Variants in ING5 observed in about 807,000 individuals in gnomAD.
ING5 encodes inhibitor of growth protein 5.
In ING5, 17 loss-of-function variants were observed where a neutral mutation model predicts 37.4. The ratio of observed to expected loss-of-function variants is 0.45; its 90% CI spans 0.31 to 0.68. The LOEUF is 0.68. Among genes scored for constraint, ING5 ranks in the 30% least tolerant of loss-of-function variants. The pLI, the probability that ING5 is intolerant of heterozygous loss-of-function variation, is 0.05. For synonymous variants in ING5, 123 were observed against 116.6 expected (o/e 1.06, Z -0.36); for missense variants, 233 against 311.9 (o/e 0.75, Z 1.91).
At chr2:241,720,966 C>T (rs192171365) in intron 5 of ING5, 342 of 985,686 alleles carry the variant, frequency 3.5e-4, no homozygotes, top group Admixed American at 1.5e-3. Flanking sequence ...CTCAGGCCCC[C>T]GGCCCTCTCC....
chr2:241,698,168 G>A (rs202188089), upstream of ING5, among the ~76,000 whole-genome samples: 14,753 of 149,986 alleles, frequency 0.098, 729 homozygotes, highest in South Asian at 0.13. Context: ...TATCGGGCCC[G>A]CCGTGGTGGC....
upstream of ING5, chr2:241,702,002 CCCCGCCCCCGCCTCCCGCGGCACCG>C (rs2069739932): frequency 1.6e-6 from 2 of 1,234,138 alleles, no homozygotes; most frequent in Admixed American, 8.3e-5. Context: ...GCTGGCACCG[CCCCGCCCCCGCCTCCCGCGGCACCG>C]CCCGCCCGCG....
intron 2 of ING5, among the ~76,000 whole-genome samples, chr2:241,706,055 C>A (rs933654595): frequency 6.6e-6 from 1 of 152,050 alleles, no homozygotes; most frequent in Non-Finnish European, 1.5e-5. Context: ...ACCCTTGTCT[C>A]CCCAGCTGGG....
At chr2:241,698,240 C>T (rs192734719), upstream of ING5, among the ~76,000 whole-genome samples, 784 of 152,114 alleles carry the variant, frequency 5.2e-3, 3 homozygotes, top group African/African-American at 0.018. Flanking sequence ...GTCAGGTGAT[C>T]AAGACCATCC....
chr2:241,711,865 C>T (rs2070121750), intron 4 of ING5, 113 bp from the exon 5 acceptor site: 1 of 941,618 alleles, frequency 1.1e-6, no homozygotes. Flanking sequence ...TGCTCCGCTG[C>T]ACTCCAGCCA....
chr2:241,691,927 A>G (rs1481861561), intron 2 of ING5, among the ~76,000 whole-genome samples: 1 of 152,186 alleles, frequency 6.6e-6, no homozygotes, highest in Non-Finnish European at 1.5e-5. Context: ...GCGTGCCTAT[A>G]GTCCCAGCTA....
chr2:241,707,293 T>G (rs965882795), intron 2 of ING5, among the ~76,000 whole-genome samples: 2 of 151,680 alleles, frequency 1.3e-5, no homozygotes, highest in Non-Finnish European at 2.9e-5. Context: ...GGCACAGGTT[T>G]GTTTTTTTTG....
At chr2:241,696,593 C>T (rs2069633266) in intron 2 of ING5, among the ~76,000 whole-genome samples, 2 of 151,684 alleles carry the variant, frequency 1.3e-5, no homozygotes, top group African/African-American at 4.8e-5. Flanking sequence ...GGAGACCAGC[C>T]TGGGCAACAT....
At chr2:241,723,167 A>T in intron 6 of ING5, 43 bp from the exon 7 acceptor site, 1 of 1,613,806 alleles carries the variant, frequency 6.2e-7, no homozygotes. Flanking sequence ...TTGCATACAG[A>T]ACATGAGGCG....
Position 241,713,343 on chromosome 2 carries a change from C to G in ING5, c.482+1272C>G, listed in dbSNP as rs1362782663. Among the ~76,000 whole-genome samples, 13 of 150,620 alleles carry G rather than the reference C, an allele frequency of 8.6e-5. 1 individual carries two copies. Among genetic ancestry groups the G allele is most frequent in the Non-Finnish European group, 1.5e-5 (1 of 67,766 alleles). ...AAAGTGCTGGGATTACAGGCATGAG[C>G]CATCACACCCGACCCAATTTTCAGT... On this transcript the variant is annotated intron_variant, in intron 5 of 7. Coordinates refer to ENST00000313552, the MANE Select transcript of ING5 (RefSeq NM_032329.6).
At chr2:241,691,432 C>G (rs2124848535) in intron 2 of ING5, among the ~76,000 whole-genome samples, 1 of 149,598 alleles carries the variant, frequency 6.7e-6, no homozygotes, top group African/African-American at 2.5e-5. Context: ...GAGTGAGACA[C>G]TGTCTCAAAA....
intron 4 of ING5, 62 bp downstream of exon 4, chr2:241,711,550 T>C (rs770754865): frequency 1.7e-6 from 2 of 1,184,730 alleles, no homozygotes; most frequent in South Asian, 2.8e-5. Flanking sequence ...TTGAAGAGTT[T>C]TGTCACGGTA....
Position 241,712,209 on chromosome 2 carries a change from G to A in ING5, c.482+138G>A, listed in dbSNP as rs138524936. On this transcript the variant is annotated intron_variant, in intron 5 of 7. Transcript: ENST00000313552. ...TGGTATTCTGATTCTTACGCTGCGC[G>A]CCTGTCGTCAGCCTGTCCTCACCGC... 1.6e-4 allele frequency: 114 copies of A among 717,104 alleles called. No homozygotes were observed. In the East Asian group the frequency reaches 2.5e-3, roughly 16 times the overall value. 44.4% of individuals were successfully genotyped at this position (717,104 alleles called of 1,614,324 possible).
At chr2:241,720,070 C>T in intron 5 of ING5, 1 of 1,242,506 alleles carries the variant, frequency 8.0e-7, no homozygotes, top group Non-Finnish European at 1.0e-6. Context: ...GCCAAGGAGG[C>T]CCCTTCCAGA....
intron 7 of ING5, among the ~76,000 whole-genome samples, chr2:241,724,265 G>A (rs1230722577): frequency 6.6e-6 from 1 of 152,228 alleles, no homozygotes. Flanking sequence ...GTGTCATGTG[G>A]CGTCAACACA....
chr2:241,702,111 G>A lies in ING5; in HGVS notation c.37+9G>A. 7.6e-7 allele frequency: 1 copy of A among 1,312,978 alleles called. No homozygotes were observed. Among genetic ancestry groups the A allele is most frequent in the Non-Finnish European group, 9.8e-7 (1 of 1,024,716 alleles). 81.3% of individuals were successfully genotyped at this position (1,312,978 alleles called of 1,614,324 possible). A position where few individuals can be genotyped will look rare whatever the true frequency, so the allele number is the denominator to read the frequency against. On this transcript the variant is annotated intron_variant, in intron 1 of 7. Transcript: ENST00000313552. ...GGAGCACTATCTGGACAGTAAGCGCGCCCCACGGGCCCCGCGCCCGCCGCC... is the reference window on the plus strand; with the variant it reads ...GGAGCACTATCTGGACAGTAAGCGCACCCCACGGGCCCCGCGCCCGCCGCC...
Position 241,704,728 on chromosome 2 carries a change from G to A in ING5, c.109+4G>A, listed in dbSNP as rs1435755239. 1.2e-6 allele frequency: 2 copies of A among 1,611,336 alleles called. No individual in the cohort carries two copies. Among genetic ancestry groups the A allele is most frequent in the Non-Finnish European group, 8.5e-7 (1 of 1,177,588 alleles). On this transcript the variant is annotated splice_donor_region_variant and intron_variant, in intron 2 of 7. Coordinates refer to ENST00000313552, the MANE Select transcript of ING5 (RefSeq NM_032329.6). ...GAGCTGGACCAGAGGACGGAAGGTGGGTTCAGACCTCTCCATACAACCAGA... is the reference window on the plus strand; with the variant it reads ...GAGCTGGACCAGAGGACGGAAGGTGAGTTCAGACCTCTCCATACAACCAGA...
rs754441621 is a variant in ING5, at chr2:241,724,974, C to G, written c.681-15C>G. The G allele has an allele frequency of 4.3e-6, 7 of 1,613,826 alleles. No homozygotes were observed. The highest frequency in any genetic ancestry group is 5.1e-6 in the Non-Finnish European group (6 of 1,179,876). The stretch of plus-strand genomic sequence containing the variant: ...AAATGGCGCCCAGGGCCTCACTGCG[C>G]CTTTCTTGTCACAGGTTCTGTCCAC... On this transcript the variant is annotated splice_polypyrimidine_tract_variant and intron_variant, in intron 7 of 7. Coordinates refer to ENST00000313552, the MANE Select transcript of ING5 (RefSeq NM_032329.6).
At chr2:241,717,299 G>C (rs1257720830) in intron 5 of ING5, among the ~76,000 whole-genome samples, 3 of 152,146 alleles carry the variant, frequency 2.0e-5, no homozygotes, top group Non-Finnish European at 4.4e-5. Flanking sequence ...TCGAACTCCT[G>C]GCCTCCAGTG....
Sources: allele counts gnomAD v4.1 joint callset (sites outside exome capture counted in the v4.1 genomes callset), GRCh38; gene constraint gnomAD v4.1.1; transcripts MANE v1.5; gene names NCBI Gene and HGNC (gene_info 2026-07-23, HGNC 2026-07-21).